ZNG1A: variants seen among roughly 807,000 people sequenced by gnomAD.
The protein encoded by ZNG1A is Zn regulated GTPase metalloprotein activator 1A.
chr9:156,932 C>T, the ZNG1A span, among the ~76,000 whole-genome samples: 1 of 151,084 alleles, frequency 6.6e-6, no homozygotes, highest in African/African-American at 2.4e-5. Context: ...AAAAGGATAA[C>T]CACTGAAATA....
At chr9:147,168 T>A in the ZNG1A span, 1 of 99,826 alleles carries the variant, frequency 1.0e-5, no homozygotes, top group Non-Finnish European at 1.9e-5. Flanking sequence ...AGAGTGAGAC[T>A]CCGCCTCAAA....
the ZNG1A span, among the ~76,000 whole-genome samples, chr9:139,160 T>C: frequency 6.7e-6 from 1 of 149,180 alleles, no homozygotes; most frequent in Non-Finnish European, 1.5e-5. Flanking sequence ...AAATGTGGTA[T>C]ATGTAGAAAA....
At chr9:123,087 T>C in the ZNG1A span, 26 of 1,532,696 alleles carry the variant, frequency 1.7e-5, no homozygotes, top group South Asian at 3.0e-4. Flanking sequence ...GTCACGAAAA[T>C]AATAAAGAAA....
the ZNG1A span, chr9:172,261 C>A: frequency 6.5e-7 from 1 of 1,539,162 alleles, no homozygotes; most frequent in Non-Finnish European, 8.9e-7. Flanking sequence ...TTCAACAACC[C>A]GAGACAAAAG....
chr9:142,084 A>T, the ZNG1A span, among the ~76,000 whole-genome samples: 6 of 145,388 alleles, frequency 4.1e-5, no homozygotes, highest in South Asian at 2.3e-4. Context: ...CTCCCACACA[A>T]TAATAATGGG....
the ZNG1A span, chr9:172,298 T>A: frequency 1.6e-6 from 2 of 1,238,836 alleles, no homozygotes; most frequent in Non-Finnish European, 2.3e-6. Context: ...AAAATTTAAC[T>A]CACTTCTAAC....
chr9:149,933 C>T, the ZNG1A span, among the ~76,000 whole-genome samples: 1 of 147,286 alleles, frequency 6.8e-6, no homozygotes, highest in Non-Finnish European at 1.5e-5. Context: ...ACCACTAAGA[C>T]GATGCTACAC....
the ZNG1A span, chr9:122,119 A>T: frequency 6.2e-7 from 1 of 1,605,190 alleles, no homozygotes; most frequent in Non-Finnish European, 8.5e-7. Context: ...ACTGAACATT[A>T]ATCAGCCTCA....
chr9:125,271 G>A, the ZNG1A span, among the ~76,000 whole-genome samples: 7 of 149,748 alleles, frequency 4.7e-5, no homozygotes, highest in East Asian at 2.0e-4. Flanking sequence ...AGGTGGTATC[G>A]CACTGTGGTT....
chr9:152,008 T>C, the ZNG1A span: 1 of 558,842 alleles, frequency 1.8e-6, no homozygotes, highest in Non-Finnish European at 3.1e-6. Flanking sequence ...GATTTGTTAT[T>C]AATAGGAATA....
chr9:140,622 G>T, the ZNG1A span, among the ~76,000 whole-genome samples: 2 of 144,398 alleles, frequency 1.4e-5, no homozygotes, highest in African/African-American at 2.7e-5. Context: ...CTCCTCCAAA[G>T]GAACGCAGCG....
the ZNG1A span, among the ~76,000 whole-genome samples, chr9:165,551 T>C: frequency 1.5e-5 from 2 of 136,060 alleles, no homozygotes; most frequent in South Asian, 4.8e-4. Flanking sequence ...AGGGTGCTTT[T>C]CTCCCCAGGG....
At chr9:144,599 GA>G in the ZNG1A span, among the ~76,000 whole-genome samples, 1 of 151,858 alleles carries the variant, frequency 6.6e-6, no homozygotes, top group Non-Finnish European at 1.5e-5. Flanking sequence ...AACCCTAGAA[GA>G]AAACCTAGGC....
chr9:127,330 A>G, the ZNG1A span, among the ~76,000 whole-genome samples: 1 of 151,980 alleles, frequency 6.6e-6, no homozygotes, highest in South Asian at 2.1e-4. Context: ...TTTTAGGTCT[A>G]TTAGTAATTC....
the ZNG1A span, among the ~76,000 whole-genome samples, chr9:140,321 C>A: frequency 6.6e-6 from 1 of 151,154 alleles, no homozygotes; most frequent in Non-Finnish European, 1.5e-5. Flanking sequence ...GATCTGAGAA[C>A]GGGCAGACTG....
chr9:159,489 C>T, the ZNG1A span, among the ~76,000 whole-genome samples: 5 of 152,176 alleles, frequency 3.3e-5, no homozygotes, highest in East Asian at 1.9e-4. Flanking sequence ...TTAACTAGCT[C>T]GATTGTTTTA....
the ZNG1A span, among the ~76,000 whole-genome samples, chr9:177,357 T>A: frequency 2.6e-5 from 4 of 151,990 alleles, no homozygotes; most frequent in South Asian, 2.1e-4. Context: ...GACTCCAGAT[T>A]AGTCAGGAGG....
the ZNG1A span, among the ~76,000 whole-genome samples, chr9:157,301 C>T: frequency 6.8e-6 from 1 of 146,688 alleles, no homozygotes; most frequent in African/African-American, 2.5e-5. Context: ...TTTTTTTTTC[C>T]CCCTCATAAT....
At chr9:160,140 C>G in the ZNG1A span, 3 of 454,494 alleles carry the variant, frequency 6.6e-6, no homozygotes, top group African/African-American at 2.0e-5. Flanking sequence ...CAATTCTTTG[C>G]CTATGATTAA....
Sources: gnomAD v4.1 joint callset for allele counts (sites outside exome capture counted in the v4.1 genomes callset) on GRCh38, gnomAD v4.1.1 for gene constraint, MANE v1.5 for transcripts, NCBI Gene and HGNC (gene_info 2026-07-23, HGNC 2026-07-21) for gene names.